The following DAB1 variants were observed in gnomAD, a reference collection of about 807,000 sequenced individuals.
DAB1 encodes DAB adaptor protein 1, also known as disabled homolog 1.
In DAB1, 15 loss-of-function variants were observed where a neutral mutation model predicts 64.6. That is an observed-to-expected ratio of 0.23 (90% confidence interval 0.16 to 0.36). The LOEUF (loss-of-function observed/expected upper bound fraction) is 0.36. Among genes scored for constraint, DAB1 ranks in the 10% least tolerant of loss-of-function variants. DAB1 has a pLI of 1.00. For missense variants in DAB1, 596 were observed against 706.7 expected, an observed-to-expected ratio of 0.84 and a Z score of 1.78; for synonymous variants, 235 against 251.9, an observed-to-expected ratio of 0.93 and a Z score of 0.64.
At chr1:57,388,268 C>G (rs770123388) in intron 1 of DAB1, among the ~76,000 whole-genome samples, 2 of 152,170 alleles carry the variant, frequency 1.3e-5, no homozygotes, top group Non-Finnish European at 2.9e-5. Flanking sequence ...AATCCTGTCC[C>G]TATATGATTC....
intron 5 of DAB1, among the ~76,000 whole-genome samples, chr1:57,960,062 GC>G (rs749491854): frequency 1.3e-4 from 20 of 152,190 alleles, no homozygotes; most frequent in Non-Finnish European, 2.1e-4. Context: ...TTCTGCTGCA[GC>G]CTCCACGATG....
At chr1:57,965,017 G>A (rs538780832) in intron 5 of DAB1, among the ~76,000 whole-genome samples, 1 of 85,926 alleles carries the variant, frequency 1.2e-5, no homozygotes, top group Admixed American at 1.6e-4. Context: ...TATAAAGACT[G>A]AGAATTCCAA....
chr1:58,115,630 C>T (rs1280432438), intron 5 of DAB1, among the ~76,000 whole-genome samples: 3 of 34,548 alleles, frequency 8.7e-5, no homozygotes, highest in South Asian at 1.1e-3. Context: ...AAATGTGGCA[C>T]ATATACACCA....
intron 4 of DAB1, among the ~76,000 whole-genome samples, chr1:58,246,015 T>C (rs1265246630): frequency 6.6e-6 from 1 of 152,184 alleles, no homozygotes; most frequent in East Asian, 1.9e-4. Context: ...TTTAGTAATG[T>C]GTATTAAACA....
intron 6 of DAB1, among the ~76,000 whole-genome samples, chr1:57,776,662 C>T (rs535640399): frequency 6.1e-4 from 93 of 151,798 alleles, no homozygotes; most frequent in Non-Finnish European, 9.3e-4. Context: ...GGGTTTACAA[C>T]TTATCACTGT....
In DAB1 at chr1:57,408,647, A is replaced by G. The variant is rs1185075220; in HGVS notation, c.-137+15283T>C. ...TCCACCGCCAGCTGAGTCACTCTCA[A>G]TTTTCTGCAAGGGCCAGGATGGATG... On this transcript the variant is annotated intron_variant, in intron 1 of 14. Transcript: ENST00000371236. 2.0e-5 allele frequency among the ~76,000 whole-genome samples: 3 copies of G among 152,114 alleles called. No homozygotes were observed. The East Asian group carries it at 5.8e-4, about 29-fold the overall frequency.
intron 4 of DAB1, among the ~76,000 whole-genome samples, chr1:58,177,933 T>C (rs1656577339): frequency 2.0e-5 from 3 of 152,206 alleles, no homozygotes; most frequent in Admixed American, 1.3e-4. Flanking sequence ...AGAAGAGTGA[T>C]TCTCTGAGCC....
chr1:58,334,988 T>C (rs1257208400), intron 4 of DAB1, among the ~76,000 whole-genome samples: 2 of 152,070 alleles, frequency 1.3e-5, no homozygotes, highest in Non-Finnish European at 2.9e-5. Flanking sequence ...AGTAAGTGCT[T>C]ATGGGTAAGG....
chr1:58,189,003 T>C lies in DAB1; in HGVS notation n.310-38415A>G, dbSNP rs938988551. Among the ~76,000 whole-genome samples the C allele has an allele frequency of 2.0e-5, 3 of 152,206 alleles. No homozygotes were observed. The South Asian group carries it at 6.2e-4, about 31-fold the overall frequency. On this transcript the variant is annotated intron_variant and non_coding_transcript_variant, in intron 4 of 20. Transcript: ENST00000485760. ...ATTAGAAGGGTAAACAGAAGTACAA[T>C]TCCCAAATTGCTTGTTGTTTTTTTA...
chr1:57,342,909 T>C (rs1677727959), intron 1 of DAB1, among the ~76,000 whole-genome samples: 1 of 152,160 alleles, frequency 6.6e-6, no homozygotes. Context: ...ATAAAGGCAG[T>C]GTGGACCCAA....
intron 6 of DAB1, among the ~76,000 whole-genome samples, chr1:57,811,391 C>T (rs1271585636): frequency 6.6e-6 from 1 of 152,180 alleles, no homozygotes; most frequent in East Asian, 1.9e-4. Flanking sequence ...GTGTGTAGCA[C>T]CTACGCCCAT....
intron 4 of DAB1, among the ~76,000 whole-genome samples, chr1:58,277,755 T>A (rs957128490): frequency 2.6e-5 from 4 of 152,356 alleles, no homozygotes; most frequent in Admixed American, 6.5e-5. Context: ...ATCAGTGCTA[T>A]GTGAGTTTTA....
At chr1:57,407,572 C>T (rs1683743331) in intron 1 of DAB1, among the ~76,000 whole-genome samples, 1 of 152,152 alleles carries the variant, frequency 6.6e-6, no homozygotes, top group Admixed American at 6.5e-5. Context: ...GCATGTGTTA[C>T]TTCTTTGTGT....
chr1:58,409,356 T>TAAACAAAAA (rs1644645512), intron 3 of DAB1, among the ~76,000 whole-genome samples: 1 of 152,010 alleles, frequency 6.6e-6, no homozygotes, highest in Admixed American at 6.6e-5. Context: ...CTCAAAAAAA[T>TAAACAAAAA]AAACAAAAAA....
chr1:58,362,107 T>C (rs1296953336), intron 3 of DAB1, among the ~76,000 whole-genome samples: 3 of 152,052 alleles, frequency 2.0e-5, no homozygotes, highest in African/African-American at 7.2e-5. Flanking sequence ...TTTAGGATAA[T>C]CATATTCCCA....
At chr1:57,522,588 C>G (rs541143375) in intron 7 of DAB1, among the ~76,000 whole-genome samples, 1 of 152,112 alleles carries the variant, frequency 6.6e-6, no homozygotes, top group Non-Finnish European at 1.5e-5. Flanking sequence ...AAAGGAGGAG[C>G]AAAGGAGATG....
intron 7 of DAB1, among the ~76,000 whole-genome samples, chr1:57,632,152 A>G (rs1645997873): frequency 6.6e-6 from 1 of 152,248 alleles, no homozygotes; most frequent in Non-Finnish European, 1.5e-5. Context: ...GAGAGTCTCC[A>G]AAGGACTCTT....
intron 3 of DAB1, among the ~76,000 whole-genome samples, chr1:58,383,964 C>T (rs1644411954): frequency 2.6e-5 from 4 of 152,130 alleles, no homozygotes; most frequent in South Asian, 2.1e-4. Flanking sequence ...TACTGTTTTC[C>T]ATAGCAGCTG....
intron 5 of DAB1, among the ~76,000 whole-genome samples, chr1:58,113,800 G>C (rs1294507226): frequency 1.3e-5 from 2 of 152,126 alleles, no homozygotes; most frequent in Non-Finnish European, 2.9e-5. Flanking sequence ...GTTTTCAGTA[G>C]GAGTTTTGTG....
Sources: gnomAD v4.1 joint callset for allele counts (sites outside exome capture counted in the v4.1 genomes callset) on GRCh38, gnomAD v4.1.1 for gene constraint, MANE v1.5 for transcripts, NCBI Gene and HGNC (gene_info 2026-07-23, HGNC 2026-07-21) for gene names.